Variants in WRAP73 observed in about 807,000 individuals in gnomAD.
WRAP73 encodes WD repeat-containing protein WRAP73.
Under a neutral mutation model 59.6 loss-of-function variants are expected in WRAP73, and 55 were observed. That is an observed-to-expected ratio of 0.92 (90% CI 0.74 to 1.15). WRAP73 has a LOEUF of 1.15. Ranked by LOEUF, WRAP73 falls within the 50% of genes most tolerant of loss-of-function variation. The pLI is 0.00. For missense variants in WRAP73, 592 were observed against 608.1 expected (o/e 0.97, Z 0.28); for synonymous variants, 265 against 258.2 (o/e 1.03, Z -0.25).
chr1:3,637,019 G>A lies in WRAP73; in HGVS notation c.492C>T (p.Val164=), dbSNP rs1264610125. Reference sequence around the variant, plus strand: ...CCCGCAGGAGCTGCCAATCACTGCAGACGAAGATGCTCACGTAATCTTTGC... The same window carrying A: ...CCCGCAGGAGCTGCCAATCACTGCAAACGAAGATGCTCACGTAATCTTTGC... The part of the protein sequence containing the change: ...RDCKDYVSIF[V]CSDWQLLRHF... Residue 164 remains valine (V), a synonymous_variant, in exon 5 of 12, where the codon GTC becomes GTT. Coordinates refer to ENST00000270708, the MANE Select transcript of WRAP73 (RefSeq NM_017818.4). 1.2e-6 allele frequency: 2 copies of A among 1,613,794 alleles called. No homozygotes were observed. The highest frequency in any genetic ancestry group is 2.7e-5 in the African/African-American group (2 of 75,072).
intron 5 of WRAP73, chr1:3,636,727 A>AC: frequency 2.0e-6 from 1 of 491,320 alleles, no homozygotes; most frequent in Non-Finnish European, 3.9e-6. Context: ...ACATGCGCAA[A>AC]CACCATCACA....
chr1:3,632,654 C>A (rs1557453953), intron 9 of WRAP73: 1 of 400,286 alleles, frequency 2.5e-6, no homozygotes, highest in Middle Eastern at 7.9e-4. Context: ...AGCTCCAACT[C>A]CTCAGCACTT....
chr1:3,632,050 G>C (rs898449556), intron 10 of WRAP73, 163 bp downstream of exon 10: 1 of 1,493,438 alleles, frequency 6.7e-7, no homozygotes, highest in Non-Finnish European at 8.8e-7. Flanking sequence ...CAAAGGCCCA[G>C]CGCCTCCAAG....
At chr1:3,635,433 G>A in intron 6 of WRAP73, 139 bp from the exon 7 acceptor site, 1 of 1,159,200 alleles carries the variant, frequency 8.6e-7, no homozygotes, top group Non-Finnish European at 1.2e-6. Flanking sequence ...GGAAAAGCTG[G>A]AACTGCCAGC....
chr1:3,635,421 G>T, intron 6 of WRAP73, 127 bp from the exon 7 acceptor site: 1 of 1,329,754 alleles, frequency 7.5e-7, no homozygotes, highest in Non-Finnish European at 1.0e-6. Flanking sequence ...CCGCGTGGCC[G>T]TGGAAAAGCT....
intron 9 of WRAP73, 57 bp from the exon 10 acceptor site, chr1:3,632,395 G>A (rs749466755): frequency 6.2e-5 from 100 of 1,612,134 alleles, no homozygotes; most frequent in Non-Finnish European, 8.0e-5. Context: ...GTACGCACGC[G>A]GCTGAGAGGC....
Position 3,631,490 on chromosome 1 carries a change from T to G in WRAP73, c.1216A>C (p.Met406Leu), listed in dbSNP as rs1644532420. Residue 406 changes from methionine to leucine, a missense_variant, in exon 11 of 12, where the codon ATG becomes CTG. Met to Leu is a conservative substitution (Grantham distance 15). Coordinates refer to ENST00000270708, the MANE Select transcript of WRAP73 (RefSeq NM_017818.4). ...RLYLWSPAGC[M>L]SVQVPGEGDF... ...CCTTCCCCAGGCACCTGCACCGACA[T>G]GCAGCCCGCTGGGGACCACAGGTAG... is the stretch of plus-strand genomic sequence containing the variant. 1 of 1,605,714 alleles carries G rather than the reference T, an allele frequency of 6.2e-7. No individual in the cohort carries two copies.
At position 3,638,779 on chromosome 1, in the gene WRAP73, T is replaced by TA. The variant is rs1361478674; in HGVS notation, c.382dup (p.Tyr128LeufsTer40). 6.2e-7 allele frequency: 1 copy of TA among 1,614,068 alleles called. No individual in the cohort carries two copies. Among genetic ancestry groups the TA allele is most frequent in the Non-Finnish European group, 8.5e-7 (1 of 1,180,022 alleles). ...CAGACAAGCTTTCGGGTATTTGATG[T>TA]AAGACACGGATTTTGTGCACAAGGA... On this transcript the variant is annotated frameshift_variant, in exon 4 of 12. Transcript: ENST00000270708. LOFTEE classifies it high-confidence loss of function.
At chr1:3,643,435 A>G (rs990479607) in intron 3 of WRAP73, among the ~76,000 whole-genome samples, 4 of 152,120 alleles carry the variant, frequency 2.6e-5, no homozygotes, top group African/African-American at 9.7e-5. Context: ...GCTTTTGATG[A>G]CTCACTGAAC....
Position 3,636,773 on chromosome 1 carries a change from T to C in WRAP73, c.516+222A>G, listed in dbSNP as rs987459502. On this transcript the variant is annotated intron_variant, in intron 5 of 11. Transcript: ENST00000270708. Reference sequence around the variant, plus strand: ...AAAAGGGCTCAAATGTGACAGCATATTCACTTTTAAAACACCTGGGCACGC... The same window carrying C: ...AAAAGGGCTCAAATGTGACAGCATACTCACTTTTAAAACACCTGGGCACGC... 7 of 613,032 alleles carry C rather than the reference T, an allele frequency of 1.1e-5. No individual in the cohort carries two copies. The Admixed American group carries it at 1.5e-4, about 13-fold the overall frequency. 38.0% of individuals were successfully genotyped at this position (613,032 alleles called of 1,614,324 possible).
At position 3,646,544 on chromosome 1, in the gene WRAP73, T is replaced by C; in HGVS notation, c.339+122A>G. 1 of 727,546 alleles carries C rather than the reference T, an allele frequency of 1.4e-6. No individual in the cohort carries two copies. Among genetic ancestry groups the C allele is most frequent in the Non-Finnish European group, 2.3e-6 (1 of 438,970 alleles). The allele number at this position is 727,546 out of a possible 1,614,324, so 45.1% of individuals were successfully genotyped here. On this transcript the variant is annotated intron_variant, in intron 3 of 11. Coordinates refer to ENST00000270708, the MANE Select transcript of WRAP73 (RefSeq NM_017818.4). The surrounding 1 kb of genome is among the most constrained non-coding windows in gnomAD (Gnocchi z 5.1). ...AATCCCCTGGTGGTCTTAGAATGCATCCCCTGAGGATAAGGGGAGACTAGC... is the reference window on the plus strand; with the variant it reads ...AATCCCCTGGTGGTCTTAGAATGCACCCCCTGAGGATAAGGGGAGACTAGC...
At chr1:3,633,527 C>A in intron 8 of WRAP73, 24 bp from the exon 9 acceptor site, 1 of 1,558,524 alleles carries the variant, frequency 6.4e-7, no homozygotes, top group Non-Finnish European at 8.7e-7. Context: ...GGTGGCCACG[C>A]CCGGCTCAGG....
chr1:3,632,172 A>G (rs1292154531), intron 10 of WRAP73, 41 bp downstream of exon 10: 1 of 1,581,062 alleles, frequency 6.3e-7, no homozygotes, highest in Non-Finnish European at 8.6e-7. Flanking sequence ...GCCACAGGAC[A>G]CAGTAAAGGG....
intron 11 of WRAP73, 53 bp downstream of exon 11, chr1:3,631,413 C>T (rs1644531342): frequency 5.8e-6 from 9 of 1,539,986 alleles, no homozygotes; most frequent in Non-Finnish European, 7.9e-6. Flanking sequence ...CCGTGTGATG[C>T]CAGACTGCAC....
chr1:3,632,879 C>T (rs889687813), intron 9 of WRAP73: 3 of 208,462 alleles, frequency 1.4e-5, no homozygotes, highest in Non-Finnish European at 2.0e-5. Context: ...GTGGGCCCGT[C>T]GGCACTTGGG....
chr1:3,646,547 C>T lies in WRAP73; in HGVS notation c.339+119G>A, dbSNP rs1395799464. 3 of 749,024 alleles carry T rather than the reference C, an allele frequency of 4.0e-6. No homozygotes were observed. In the East Asian group the frequency reaches 8.0e-5, roughly 20 times the overall value. The allele number at this position is 749,024 out of a possible 1,614,324, so 46.4% of individuals were successfully genotyped here. A position where few individuals can be genotyped will look rare whatever the true frequency, so the allele number is the denominator to read the frequency against. On this transcript the variant is annotated intron_variant, in intron 3 of 11. Coordinates refer to ENST00000270708, the MANE Select transcript of WRAP73 (RefSeq NM_017818.4). This position sits in a 1 kb window ranked among gnomAD's most constrained non-coding sequence, Gnocchi z 5.1. ...CCCCTGGTGGTCTTAGAATGCATCC[C>T]CTGAGGATAAGGGGAGACTAGCATA...
At chr1:3,641,465 A>C (rs890415803) in intron 3 of WRAP73, among the ~76,000 whole-genome samples, 17 of 152,224 alleles carry the variant, frequency 1.1e-4, no homozygotes, top group African/African-American at 4.1e-4. Flanking sequence ...AGCACACTCA[A>C]AACCAGCAAG....
In WRAP73 at chr1:3,638,811, G is replaced by A. The variant is rs778258003; in HGVS notation, c.351C>T (p.Thr117=). The A allele has an allele frequency of 1.1e-5, 17 of 1,613,916 alleles. No homozygotes were observed. The East Asian group carries it at 1.6e-4, about 15-fold the overall frequency. ...CGGATTTTGTGCACAAGGACCAGAC[G>A]GTTATCCGCAGCTGTTGGGGGAAAG... is the stretch of plus-strand genomic sequence containing the variant. ...LNTTEFHLRI[T]VWSLCTKSVS... Residue 117 remains threonine, a synonymous_variant, in exon 4 of 12, where the codon ACC becomes ACT. Coordinates refer to ENST00000270708, the MANE Select transcript of WRAP73 (RefSeq NM_017818.4).
chr1:3,647,436 C>T lies in WRAP73; in HGVS notation c.194G>A (p.Cys65Tyr). 1 of 1,613,758 alleles carries T rather than the reference C, an allele frequency of 6.2e-7. No individual in the cohort carries two copies. The part of the protein sequence containing the change: ...EWSADSLFIL[C>Y]AMYKRGLVQV... ...CACCAGCCCTCGCTTGTACATGGCG[C>T]ACAGGATGAAGAGCGAGTCTGCCGA... is the stretch of plus-strand genomic sequence containing the variant. Residue 65 changes from cysteine (C) to tyrosine (Y), a missense_variant, in exon 2 of 12, where the codon TGC (cysteine) becomes TAC (tyrosine). Transcript: ENST00000270708.
Sources: gnomAD v4.1 joint callset for allele counts (sites outside exome capture counted in the v4.1 genomes callset) on GRCh38, gnomAD v4.1.1 for gene constraint, Gnocchi (gnomAD v3.1) non-coding constraint, MANE v1.5 for transcripts, NCBI Gene and HGNC (gene_info 2026-07-23, HGNC 2026-07-21) for gene names.